Variants in TCAIM observed in about 807,000 individuals in gnomAD.
TCAIM encodes T cell activation inhibitor, mitochondrial.
TCAIM carries 36 observed loss-of-function variants against 58.6 expected under a neutral mutation model. The observed-to-expected ratio is 0.61, with a 90% CI of 0.47 to 0.81. TCAIM has a LOEUF of 0.81. Among genes scored for constraint, TCAIM ranks in the 30% least tolerant of loss-of-function variants. The pLI is 0.00. For synonymous variants in TCAIM, 172 were observed against 193.6 expected (o/e 0.89, Z 0.93); for missense variants, 466 against 579.6 (o/e 0.80, Z 2.01).
chr3:44,395,110 C>T (rs189581000), intron 6 of TCAIM, among the ~76,000 whole-genome samples: 1 of 150,674 alleles, frequency 6.6e-6, no homozygotes, highest in Admixed American at 6.6e-5. Flanking sequence ...TAACTAATGA[C>T]ATTGTTTTTC....
intron 5 of TCAIM, among the ~76,000 whole-genome samples, chr3:44,368,691 A>G (rs755089092): frequency 1.5e-4 from 23 of 152,240 alleles, no homozygotes; most frequent in Admixed American, 7.9e-4. Flanking sequence ...TAACAATTTA[A>G]TGATGGACCA....
intron 10 of TCAIM, among the ~76,000 whole-genome samples, chr3:44,402,174 G>A (rs920938288): frequency 6.6e-6 from 1 of 152,070 alleles, no homozygotes; most frequent in African/African-American, 2.4e-5. Context: ...GGAGGCCAAG[G>A]CAAGGAGATC....
At chr3:44,362,806 G>C (rs1701314094) in intron 4 of TCAIM, 1 of 167,724 alleles carries the variant, frequency 6.0e-6, no homozygotes, top group Non-Finnish European at 1.3e-5. Flanking sequence ...AGGCATGAGA[G>C]TCTCATAAGC....
At position 44,364,547 on chromosome 3, in the gene TCAIM, C is replaced by T. The variant is rs541559105; in HGVS notation, c.320-2909C>T. 3.9e-5 allele frequency among the ~76,000 whole-genome samples: 6 copies of T among 152,236 alleles called. No homozygotes were observed. The South Asian group carries it at 1.2e-3, about 32-fold the overall frequency. ...CTTGAGTCCAGGAGTTCCAGACCAG[C>T]CTGGGCAACATAGCAAAACCCCGTC... is the stretch of plus-strand genomic sequence containing the variant. On this transcript the variant is annotated intron_variant, in intron 4 of 10. Transcript: ENST00000342649.
chr3:44,407,435 A>G lies in TCAIM; in HGVS notation c.1251-7A>G, dbSNP rs773299730. 2.1e-5 allele frequency: 30 copies of G among 1,448,224 alleles called. No individual in the cohort carries two copies. In the South Asian group the frequency reaches 3.5e-4, roughly 17 times the overall value. The allele number at this position is 1,448,224 out of a possible 1,614,324, so 89.7% of individuals were successfully genotyped here. On this transcript the variant is annotated splice_polypyrimidine_tract_variant and splice_region_variant and intron_variant, in intron 10 of 10. Coordinates refer to ENST00000342649, the MANE Select transcript of TCAIM (RefSeq NM_173826.4). ...TTATGACAATATTTTTATTTTCTAT[A>G]TAATAGGTTAAAGGTTATTGAAAAT... is the stretch of plus-strand genomic sequence containing the variant.
chr3:44,362,717 TAATG>T (rs1701312668), intron 4 of TCAIM: 1 of 283,834 alleles, frequency 3.5e-6, no homozygotes, highest in Non-Finnish European at 6.5e-6. Context: ...ATGCTGTAAA[TAATG>T]AATAATAAGC....
intron 1 of TCAIM, among the ~76,000 whole-genome samples, chr3:44,350,318 C>T (rs188488586): frequency 6.6e-6 from 1 of 152,306 alleles, no homozygotes; most frequent in Non-Finnish European, 1.5e-5. Flanking sequence ...CACTCATTTT[C>T]ACTTCTTTTG....
In TCAIM at chr3:44,400,460, G is replaced by A; in HGVS notation, c.991G>A (p.Glu331Lys). The stretch of plus-strand genomic sequence containing the variant: ...TGGCATACAAGTTGTTTATATTGAA[G>A]AATTACAGCCAGTATTGACACTTGA... The part of the protein sequence containing the change: ...LGGIQVVYIE[E>K]LQPVLTLEEY... Residue 331 changes from glutamate (E) to lysine (K), a missense_variant, in exon 9 of 11, where the codon GAA (glutamate) becomes AAA (lysine). By Grantham distance (56) the Glu-to-Lys change is moderately conservative. Transcript: ENST00000342649. The A allele has an allele frequency of 6.2e-7, 1 of 1,613,718 alleles. No individual in the cohort carries two copies. The highest frequency in any genetic ancestry group is 8.5e-7 in the Non-Finnish European group (1 of 1,179,812).
intron 3 of TCAIM, chr3:44,358,194 T>A: frequency 1.3e-6 from 2 of 1,562,084 alleles, no homozygotes; most frequent in Non-Finnish European, 1.7e-6. Context: ...ATGATCAATC[T>A]CTCTCTCTTT....
At chr3:44,345,685 G>T (rs1432902732) in intron 1 of TCAIM, among the ~76,000 whole-genome samples, 2 of 152,050 alleles carry the variant, frequency 1.3e-5, no homozygotes, top group Non-Finnish European at 2.9e-5. Flanking sequence ...AGAGGTAGAG[G>T]GTGGCATAAG....
At chr3:44,377,850 A>G (rs1701590966) in intron 5 of TCAIM, among the ~76,000 whole-genome samples, 1 of 152,222 alleles carries the variant, frequency 6.6e-6, no homozygotes, top group Admixed American at 6.5e-5. Flanking sequence ...ATCCCAAGGG[A>G]AAATAGAAAA....
intron 1 of TCAIM, among the ~76,000 whole-genome samples, chr3:44,349,320 TA>T: frequency 6.6e-6 from 1 of 152,332 alleles, no homozygotes; most frequent in South Asian, 2.1e-4. Flanking sequence ...GTAGGATGGA[TA>T]AATTGAAAGT....
chr3:44,367,372 G>GT (rs11407119), intron 4 of TCAIM, 84 bp from the exon 5 acceptor site: 1,317,430 of 1,457,538 alleles, frequency 0.9, 597,022 homozygotes, highest in East Asian at 1. Flanking sequence ...GTAATAGAAT[G>GT]TTTAAAAGAT....
chr3:44,340,662 G>A (rs1275621836), intron 1 of TCAIM: 1 of 151,922 alleles, frequency 6.6e-6, no homozygotes, highest in East Asian at 2.0e-4. Flanking sequence ...TTTGGTGATA[G>A]AATCAGGATT....
intron 1 of TCAIM, among the ~76,000 whole-genome samples, chr3:44,350,223 C>T (rs530753900): frequency 4.1e-4 from 62 of 152,020 alleles, no homozygotes; most frequent in African/African-American, 1.3e-3. Flanking sequence ...AGGGCAGGGG[C>T]GAGGGTCACA....
intron 2 of TCAIM, among the ~76,000 whole-genome samples, chr3:44,356,577 G>A (rs546202073): frequency 2.0e-5 from 3 of 151,876 alleles, no homozygotes; most frequent in Non-Finnish European, 4.4e-5. Context: ...AATAGGTGTC[G>A]TGGAAGTGCT....
intron 2 of TCAIM, 50 bp from the exon 3 acceptor site, chr3:44,357,691 G>A (rs1158383484): frequency 1.3e-6 from 2 of 1,583,894 alleles, no homozygotes; most frequent in East Asian, 2.3e-5. Context: ...TTGAGGATTT[G>A]TGTGTGTGTG....
intron 8 of TCAIM, among the ~76,000 whole-genome samples, chr3:44,398,524 C>T (rs575254381): frequency 3.3e-5 from 5 of 152,148 alleles, no homozygotes; most frequent in Non-Finnish European, 4.4e-5. Context: ...TATCACTACA[C>T]ACCAGGACGG....
intron 1 of TCAIM, among the ~76,000 whole-genome samples, chr3:44,345,907 G>A (rs1700956304): frequency 6.6e-6 from 1 of 152,184 alleles, no homozygotes; most frequent in Non-Finnish European, 1.5e-5. Flanking sequence ...GCATTTATGA[G>A]TAGTTGAGAA....
Sources: gnomAD v4.1 joint callset for allele counts (sites outside exome capture counted in the v4.1 genomes callset) on GRCh38, gnomAD v4.1.1 for gene constraint, MANE v1.5 for transcripts, NCBI Gene and HGNC (gene_info 2026-07-23, HGNC 2026-07-21) for gene names.